NUCB2: variants seen among roughly 807,000 people sequenced by gnomAD.
The protein encoded by NUCB2 is nucleobindin 2.
A neutral mutation model predicts 57.9 loss-of-function variants in NUCB2; 48 were observed. That is an observed-to-expected ratio of 0.83 (90% CI 0.66 to 1.05). The LOEUF (loss-of-function observed/expected upper bound fraction) is 1.05, where lower values mean the gene tolerates loss of function less well. NUCB2 is among the 50% of genes least tolerant of loss of function. The pLI is 0.00. For synonymous variants in NUCB2, 139 were observed against 152.1 expected, an observed-to-expected ratio of 0.91 and a Z score of 0.64; for missense variants, 442 against 476.2, an observed-to-expected ratio of 0.93 and a Z score of 0.67.
chr11:17,346,468 C>A (rs1054880697), intron 2 of NUCB2, among the ~76,000 whole-genome samples: 28 of 78,872 alleles, frequency 3.6e-4, no homozygotes, highest in African/African-American at 7.5e-4. Context: ...GTCTAATAAG[C>A]ATTTAGATGT....
intron 2 of NUCB2, among the ~76,000 whole-genome samples, chr11:17,340,200 G>C (rs1952138162): frequency 6.6e-6 from 1 of 152,094 alleles, no homozygotes; most frequent in Non-Finnish European, 1.5e-5. Flanking sequence ...TGATGGGGTT[G>C]TTTTTTTCTT....
chr11:17,283,486 C>G (rs1943090993), intron 2 of NUCB2: 1 of 152,178 alleles, frequency 6.6e-6, no homozygotes, highest in Admixed American at 6.5e-5. Context: ...GCTGTGATAA[C>G]CACTCATAGA....
chr11:17,339,354 G>A (rs962869225), intron 2 of NUCB2, among the ~76,000 whole-genome samples: 8 of 152,008 alleles, frequency 5.3e-5, no homozygotes, highest in African/African-American at 1.9e-4. Context: ...TAGTCCAAGT[G>A]ATTTTTTTTA....
At chr11:17,297,309 CT>C (rs1945979603) in intron 4 of NUCB2, among the ~76,000 whole-genome samples, 3 of 151,916 alleles carry the variant, frequency 2.0e-5, no homozygotes, top group South Asian at 2.1e-4. Context: ...TCAAACAAAC[CT>C]TTTATTTTAG....
chr11:17,318,138 C>T (rs1328054879), intron 11 of NUCB2, among the ~76,000 whole-genome samples: 1 of 152,000 alleles, frequency 6.6e-6, no homozygotes, highest in African/African-American at 2.4e-5. Flanking sequence ...CCTCAGCCTC[C>T]TGAGTAGCTG....
At chr11:17,311,421 GAT>G (rs1479757549) in intron 8 of NUCB2, 138 bp downstream of exon 8, 3 of 617,204 alleles carry the variant, frequency 4.9e-6, no homozygotes, top group Admixed American at 3.4e-5. Flanking sequence ...AGGGTAATAT[GAT>G]AGTCTTTATT....
At chr11:17,325,085 G>A (rs1591545466) in intron 11 of NUCB2, among the ~76,000 whole-genome samples, 2 of 152,136 alleles carry the variant, frequency 1.3e-5, no homozygotes, top group African/African-American at 2.4e-5. Context: ...TTACAGGCTT[G>A]GGCCACCGTG....
intron 11 of NUCB2, among the ~76,000 whole-genome samples, chr11:17,321,098 A>G (rs1189335143): frequency 6.6e-6 from 1 of 152,192 alleles, no homozygotes; most frequent in Non-Finnish European, 1.5e-5. Flanking sequence ...TTGTGTTACA[A>G]ACAATCCAAT....
chr11:17,313,905 T>C lies in NUCB2; in HGVS notation c.913-1481T>C, dbSNP rs966106576. On this transcript the variant is annotated intron_variant, in intron 10 of 13. Coordinates refer to ENST00000529010, the MANE Select transcript of NUCB2 (RefSeq NM_005013.4). ...GTGATAGTGTGGAGCCCCATGTCTC[T>C]ATATATGCTCTATATCTGCATGTAT... is the stretch of plus-strand genomic sequence containing the variant. Among the ~76,000 whole-genome samples the C allele has an allele frequency of 2.6e-5, 4 of 152,170 alleles. No individual in the cohort carries two copies. The South Asian group carries it at 8.3e-4, about 32-fold the overall frequency.
chr11:17,287,542 G>T (rs967559607), intron 2 of NUCB2, among the ~76,000 whole-genome samples: 5 of 151,632 alleles, frequency 3.3e-5, no homozygotes, highest in Admixed American at 3.3e-4. Flanking sequence ...GCATGGTGGC[G>T]CACACTTGTA....
chr11:17,310,586 CA>C (rs982116691), intron 6 of NUCB2, among the ~76,000 whole-genome samples: 22 of 152,084 alleles, frequency 1.4e-4, no homozygotes, highest in Admixed American at 1.4e-3. Context: ...GTGGAGGTGG[CA>C]GTGAGCCGAA....
intron 11 of NUCB2, among the ~76,000 whole-genome samples, chr11:17,326,092 C>A (rs1440392135): frequency 2.6e-5 from 4 of 151,790 alleles, no homozygotes; most frequent in Non-Finnish European, 5.9e-5. Context: ...CCTCCACTTC[C>A]TGGGTTCAAG....
rs1321140779 is a variant in NUCB2 at position 17,288,950 on chromosome 11, CATAT to C, written c.-1+6018_-1+6021del. Reference sequence around the variant, plus strand: ...ACACACACACACACACACACACACACATATATATATATATTTTTTTTTTTTGAGA... The same window carrying C: ...ACACACACACACACACACACACACACATATATATATTTTTTTTTTTTGAGA... On this transcript the variant is annotated intron_variant, in intron 2 of 13. Transcript: ENST00000529010. 7.9e-3 allele frequency among the ~76,000 whole-genome samples: 263 copies of C among 33,120 alleles called. 43 individuals are homozygous for C. The highest frequency in any genetic ancestry group is 0.011 in the Admixed American group (30 of 2,694). The allele number at this position is 33,120 out of a possible 152,430, so 21.7% of individuals were successfully genotyped here.
chr11:17,312,144 A>G, intron 10 of NUCB2, 24 bp downstream of exon 10: 2 of 1,090,278 alleles, frequency 1.8e-6, no homozygotes, highest in Non-Finnish European at 2.7e-6. Context: ...GTTTAAGATA[A>G]TATGTTATTT....
chr11:17,299,632 G>A (rs912244036), intron 4 of NUCB2, among the ~76,000 whole-genome samples: 11 of 152,104 alleles, frequency 7.2e-5, no homozygotes, highest in East Asian at 1.9e-4. Context: ...AGCCAGGTGC[G>A]GTGGCTCACA....
At chr11:17,305,099 G>A (rs996225443) in intron 5 of NUCB2, among the ~76,000 whole-genome samples, 12 of 152,304 alleles carry the variant, frequency 7.9e-5, no homozygotes, top group African/African-American at 2.2e-4. Flanking sequence ...TAAGGCGGGC[G>A]GATCACCTGA....
intron 1 of NUCB2, among the ~76,000 whole-genome samples, chr11:17,279,776 A>G (rs1322864439): frequency 7.9e-6 from 1 of 126,162 alleles, no homozygotes; most frequent in African/African-American, 3.0e-5. Context: ...TTTTTGGCAG[A>G]GCATTTTTTT....
At chr11:17,308,017 TA>T (rs1947951514) in intron 5 of NUCB2, among the ~76,000 whole-genome samples, 2 of 152,208 alleles carry the variant, frequency 1.3e-5, no homozygotes, top group East Asian at 3.8e-4. Context: ...TCTTTTTATA[TA>T]TTTCACTGTC....
chr11:17,299,545 A>G (rs1946357796), intron 4 of NUCB2, among the ~76,000 whole-genome samples: 15 of 152,184 alleles, frequency 9.9e-5, no homozygotes, highest in Admixed American at 9.8e-4. Context: ...ATAGAGGCCC[A>G]CTGACTTTTA....
Sources: allele counts gnomAD v4.1 joint callset (sites outside exome capture counted in the v4.1 genomes callset), GRCh38; gene constraint gnomAD v4.1.1; transcripts MANE v1.5; gene names NCBI Gene and HGNC (gene_info 2026-07-23, HGNC 2026-07-21).